Variants in MKKS observed in about 807,000 individuals in gnomAD.
MKKS encodes the protein molecular chaperone MKKS.
In MKKS, 29 loss-of-function variants were observed where a neutral mutation model predicts 33.2. The ratio of observed to expected loss-of-function variants is 0.87; its 90% CI spans 0.65 to 1.19. The LOEUF (loss-of-function observed/expected upper bound fraction) is 1.19, where lower values mean the gene tolerates loss of function less well. MKKS is among the 50% of genes most tolerant of loss of function. The pLI is 0.00. For missense variants in MKKS, 661 were observed against 662.3 expected (o/e 1.00, Z 0.02); for synonymous variants, 260 against 244.0 (o/e 1.07, Z -0.61).
chr20:10,430,107 T>G (rs1288090268), intron 1 of MKKS, among the ~76,000 whole-genome samples: 1 of 152,258 alleles, frequency 6.6e-6, no homozygotes, highest in Non-Finnish European at 1.5e-5. Context: ...GTGACATTTT[T>G]GACTAGAGTG....
At chr20:10,430,296 A>G (rs1295731788) in intron 1 of MKKS, among the ~76,000 whole-genome samples, 1 of 152,194 alleles carries the variant, frequency 6.6e-6, no homozygotes, top group Non-Finnish European at 1.5e-5. Flanking sequence ...TTACCACTTT[A>G]CAACTGGCTG....
At chr20:10,416,865 A>C (rs907284633) in intron 2 of MKKS, among the ~76,000 whole-genome samples, 1 of 152,224 alleles carries the variant, frequency 6.6e-6, no homozygotes, top group Non-Finnish European at 1.5e-5. Context: ...AGCCATGCTC[A>C]TTAATTTGTG....
At chr20:10,412,091 C>A (rs1471252161) in intron 3 of MKKS, among the ~76,000 whole-genome samples, 3 of 152,068 alleles carry the variant, frequency 2.0e-5, no homozygotes, top group Non-Finnish European at 2.9e-5. Flanking sequence ...TTAGAAACAA[C>A]TACTTAAGGA....
At chr20:10,412,487 GATTT>G (rs1600848187) in intron 3 of MKKS, 39 bp downstream of exon 3, 9 of 1,597,980 alleles carry the variant, frequency 5.6e-6, no homozygotes, top group Middle Eastern at 1.7e-4. Context: ...AAAAAAGTGT[GATTT>G]ATTAACTGTA....
At chr20:10,414,196 T>C (rs963340194) in intron 2 of MKKS, among the ~76,000 whole-genome samples, 5 of 152,050 alleles carry the variant, frequency 3.3e-5, no homozygotes, top group African/African-American at 1.2e-4. Flanking sequence ...TACAGCACAG[T>C]TATTTGAATA....
chr20:10,432,390 GA>G, intron 1 of MKKS, among the ~76,000 whole-genome samples: 1 of 152,300 alleles, frequency 6.6e-6, no homozygotes, highest in South Asian at 2.1e-4. Context: ...GGACAATCTA[GA>G]AACATCTTGC....
rs1349996176 is a variant in MKKS, at chr20:10,401,661, C to T, written c.*3586G>A. 1 of 152,084 alleles carries T rather than the reference C, an allele frequency of 6.6e-6. No homozygotes were observed. Among genetic ancestry groups the T allele is most frequent in the Non-Finnish European group, 1.5e-5 (1 of 68,002 alleles). 9.4% of individuals were successfully genotyped at this position (152,084 alleles called of 1,614,324 possible). ...TAAAGTTATCCAAAGAACTGCTCAA[C>T]AATATGAACAACAATATGAAAATAC... On this transcript the variant is annotated 3_prime_UTR_variant, in exon 6 of 6. Transcript: ENST00000347364.
At chr20:10,421,935 C>T (rs560149992) in intron 1 of MKKS, among the ~76,000 whole-genome samples, 24 of 152,180 alleles carry the variant, frequency 1.6e-4, no homozygotes, top group African/African-American at 5.5e-4. Context: ...ATGAGACATG[C>T]TATGAACTTG....
chr20:10,405,410 C>A lies in MKKS; in HGVS notation c.1550G>T (p.Arg517Leu). ...ELNWSFLRST[R>L]RPFVPQSCLP... ...GCAGCTTTGTGGCACAAATGGACGA[C>A]GTGTGCTTCTTAAGAAAGACCAGTT... The change falls in exon 6 of 6, where the codon CGT (arginine) becomes CTT (leucine). Residue 517 changes from arginine (R) to leucine (L), a missense_variant. Physicochemically the swap from Arg to Leu is moderately radical, Grantham distance 102. Coordinates refer to ENST00000347364, the MANE Select transcript of MKKS (RefSeq NM_170784.3). 1 of 1,614,206 alleles carries A rather than the reference C, an allele frequency of 6.2e-7. No homozygotes were observed. The highest frequency in any genetic ancestry group is 1.1e-5 in the South Asian group (1 of 91,082).
chr20:10,433,836 C>T (rs36224659), intron 1 of MKKS, among the ~76,000 whole-genome samples: 9,226 of 152,164 alleles, frequency 0.061, 404 homozygotes, highest in African/African-American at 0.11. Context: ...CGTGGTGAGG[C>T]GCCACTCCTC....
chr20:10,423,033 G>A (rs1285971256), intron 1 of MKKS, among the ~76,000 whole-genome samples: 5 of 151,964 alleles, frequency 3.3e-5, no homozygotes. Context: ...TTACTTTTAA[G>A]AGCCATTTCT....
chr20:10,431,851 C>T (rs1568675845), intron 1 of MKKS: 1 of 152,212 alleles, frequency 6.6e-6, no homozygotes, highest in South Asian at 2.1e-4. Context: ...TATTCTTCTG[C>T]TTCAGCTCTT....
At chr20:10,430,880 C>T (rs1035491729) in intron 1 of MKKS, among the ~76,000 whole-genome samples, 1 of 152,168 alleles carries the variant, frequency 6.6e-6, no homozygotes, top group African/African-American at 2.4e-5. Context: ...GAAACTTGGT[C>T]GACATTTTCA....
chr20:10,407,145 T>C (rs1200579908), intron 5 of MKKS, among the ~76,000 whole-genome samples: 1 of 152,182 alleles, frequency 6.6e-6, no homozygotes, highest in East Asian at 1.9e-4. Context: ...GTGAATTGCT[T>C]AAATAAATGA....
At chr20:10,411,229 G>A (rs369674361) in intron 3 of MKKS, among the ~76,000 whole-genome samples, 83 of 151,774 alleles carry the variant, frequency 5.5e-4, no homozygotes, top group African/African-American at 1.8e-3. Flanking sequence ...CTTGTGATCC[G>A]CTCACCTTGG....
chr20:10,425,157 GAA>G (rs2065007462), intron 1 of MKKS, among the ~76,000 whole-genome samples: 1 of 152,004 alleles, frequency 6.6e-6, no homozygotes, highest in Non-Finnish European at 1.5e-5. Context: ...TAGAAACAAG[GAA>G]AAGAGAGCTA....
Position 10,405,165 on chromosome 20 carries a change from A to G in MKKS, c.*82T>C. The G allele has an allele frequency of 8.6e-7, 1 of 1,167,328 alleles. No homozygotes were observed. Among genetic ancestry groups the G allele is most frequent in the Non-Finnish European group, 1.2e-6 (1 of 832,400 alleles). The allele number at this position is 1,167,328 out of a possible 1,614,324, so 72.3% of individuals were successfully genotyped here. On this transcript the variant is annotated 3_prime_UTR_variant, in exon 6 of 6. Coordinates refer to ENST00000347364, the MANE Select transcript of MKKS (RefSeq NM_170784.3). ...AATATGTAGAACAGGGCTTTGGGAGAAAACAAATACACTCACAATTTTTCT... is the reference window on the plus strand; with the variant it reads ...AATATGTAGAACAGGGCTTTGGGAGGAAACAAATACACTCACAATTTTTCT...
rs1600854805 is a variant in MKKS at position 10,420,662 on chromosome 20, C to T, written c.-552G>A. On this transcript the variant is annotated 5_prime_UTR_variant, in exon 2 of 6. Transcript: ENST00000347364. ...GGGCTGCTTTTGATTCTGTACCACC[C>T]CAAATGTATGAGCCCAACTAAAGGG... The T allele has an allele frequency of 6.6e-6, 1 of 152,218 alleles. No individual in the cohort carries two copies. Among genetic ancestry groups the T allele is most frequent in the South Asian group, 2.1e-4 (1 of 4,810 alleles). 9.4% of individuals were successfully genotyped at this position (152,218 alleles called of 1,614,324 possible).
At chr20:10,428,795 G>C (rs1281985189) in intron 1 of MKKS, among the ~76,000 whole-genome samples, 1 of 152,140 alleles carries the variant, frequency 6.6e-6, no homozygotes, top group Non-Finnish European at 1.5e-5. Context: ...AGTGAGTCGA[G>C]ATCGCGCCAT....
Sources: gnomAD v4.1 joint callset for allele counts (sites outside exome capture counted in the v4.1 genomes callset) on GRCh38, gnomAD v4.1.1 for gene constraint, MANE v1.5 for transcripts, NCBI Gene and HGNC (gene_info 2026-07-23, HGNC 2026-07-21) for gene names.